The following PCLO variants were observed in gnomAD, a reference collection of about 807,000 sequenced individuals.
The protein encoded by PCLO is piccolo presynaptic cytomatrix protein.
In PCLO, 82 loss-of-function variants were observed where a neutral mutation model predicts 427.5. The observed-to-expected ratio is 0.19, with a 90% CI of 0.16 to 0.23. The LOEUF is 0.23. PCLO is among the 10% of genes least tolerant of loss of function. The probability of loss-of-function intolerance (pLI) is 1.00; values close to 1 mark genes in which losing one functional copy is unlikely to be tolerated. For synonymous variants in PCLO, 2,357 were observed against 2,155.4 expected, an observed-to-expected ratio of 1.09 and a Z score of -2.59; for missense variants, 6,239 against 6,115.9, an observed-to-expected ratio of 1.02 and a Z score of -0.67.
At chr7:83,019,433 GT>G (rs200958272) in intron 3 of PCLO, among the ~76,000 whole-genome samples, 170 of 147,614 alleles carry the variant, frequency 1.2e-3, no homozygotes, top group African/African-American at 2.7e-3. Context: ...CCAATCATAA[GT>G]TTTTTTTTTA....
intron 6 of PCLO, among the ~76,000 whole-genome samples, 180 bp from the exon 7 acceptor site, chr7:82,917,053 A>G (rs1456773043): frequency 2.6e-5 from 4 of 152,178 alleles, no homozygotes; most frequent in Non-Finnish European, 5.9e-5. Context: ...TAACTGAAAA[A>G]TAATTTTTTA....
At chr7:82,967,524 G>A (rs139064631) in intron 3 of PCLO, among the ~76,000 whole-genome samples, 14 of 152,078 alleles carry the variant, frequency 9.2e-5, no homozygotes, top group South Asian at 6.2e-4. Context: ...ATGGTCACCC[G>A]CACTAAATCA....
chr7:82,812,238 GATA>G (rs1334184726), intron 20 of PCLO, among the ~76,000 whole-genome samples: 1 of 151,336 alleles, frequency 6.6e-6, no homozygotes, highest in African/African-American at 2.4e-5. Context: ...TGGCTTTATA[GATA>G]ATAAGATCAA....
At chr7:83,156,433 A>G in intron 1 of PCLO, 41 bp from the exon 2 acceptor site, 1 of 1,225,994 alleles carries the variant, frequency 8.2e-7, no homozygotes. Context: ...AAGTGAAAAT[A>G]ATGGAAATTA....
At chr7:82,812,525 A>C (rs1791594015) in intron 20 of PCLO, among the ~76,000 whole-genome samples, 1 of 151,558 alleles carries the variant, frequency 6.6e-6, no homozygotes, top group South Asian at 2.1e-4. Context: ...TATAGTAAAT[A>C]ATGAAAGAAA....
At chr7:82,793,414 T>A (rs1166617611) in intron 22 of PCLO, among the ~76,000 whole-genome samples, 3 of 152,228 alleles carry the variant, frequency 2.0e-5, no homozygotes, top group Middle Eastern at 6.8e-3. Context: ...CACCCATATG[T>A]TGAGAAAACA....
chr7:83,039,447 G>A (rs1022680358), intron 3 of PCLO, among the ~76,000 whole-genome samples: 1 of 152,022 alleles, frequency 6.6e-6, no homozygotes, highest in Admixed American at 6.6e-5. Context: ...CTGTCCCAGT[G>A]CAATCTGTTG....
chr7:82,784,177 C>T (rs1276258258), intron 22 of PCLO, among the ~76,000 whole-genome samples: 5 of 152,106 alleles, frequency 3.3e-5, no homozygotes, highest in Admixed American at 2.6e-4. Context: ...TTCCTCACCT[C>T]AAAACCCTCC....
At chr7:83,129,330 A>C (rs958263987) in intron 3 of PCLO, among the ~76,000 whole-genome samples, 2 of 152,118 alleles carry the variant, frequency 1.3e-5, no homozygotes, top group Admixed American at 6.6e-5. Context: ...CAAACATCGC[A>C]CAGTTTTTTT....
At chr7:82,796,619 T>G (rs1402420677) in intron 22 of PCLO, among the ~76,000 whole-genome samples, 2 of 151,840 alleles carry the variant, frequency 1.3e-5, no homozygotes, top group Non-Finnish European at 2.9e-5. Context: ...CCAAAGCATA[T>G]AATTTTCCCT....
intron 3 of PCLO, among the ~76,000 whole-genome samples, chr7:83,000,943 C>A (rs902093981): frequency 6.6e-6 from 1 of 151,770 alleles, no homozygotes; most frequent in Non-Finnish European, 1.5e-5. Context: ...TTACCAGTAT[C>A]TAGCATAATG....
intron 6 of PCLO, among the ~76,000 whole-genome samples, chr7:82,930,746 G>A (rs746852404): frequency 1.2e-4 from 19 of 152,028 alleles, no homozygotes; most frequent in Non-Finnish European, 2.6e-4. Flanking sequence ...TAGGTTATGT[G>A]CTCTTTATCT....
intron 3 of PCLO, among the ~76,000 whole-genome samples, chr7:83,069,638 T>C (rs1789755508): frequency 6.6e-6 from 1 of 152,150 alleles, no homozygotes; most frequent in African/African-American, 2.4e-5. Context: ...CAGAGAAAGA[T>C]AATGAATGTA....
intron 6 of PCLO, among the ~76,000 whole-genome samples, chr7:82,947,804 C>A (rs10281601): frequency 2.6e-5 from 4 of 152,174 alleles, no homozygotes; most frequent in East Asian, 1.9e-4. Flanking sequence ...GTAATACAAC[C>A]TTTACAACCC....
chr7:82,964,213 T>C (rs1279601256), intron 4 of PCLO, among the ~76,000 whole-genome samples: 1 of 152,132 alleles, frequency 6.6e-6, no homozygotes, highest in Non-Finnish European at 1.5e-5. Flanking sequence ...TGTGATACCT[T>C]CATTGTGGAG....
intron 3 of PCLO, among the ~76,000 whole-genome samples, chr7:83,107,586 CTT>C (rs1250941881): frequency 2.0e-5 from 3 of 151,608 alleles, no homozygotes; most frequent in South Asian, 2.1e-4. Flanking sequence ...TATTAAAAAA[CTT>C]ATTTCTTGGA....
intron 21 of PCLO, 42 bp downstream of exon 21, chr7:82,805,646 A>T (rs779607381): frequency 8.8e-6 from 14 of 1,593,332 alleles, no homozygotes; most frequent in Non-Finnish European, 1.2e-5. Context: ...CTTACTCATG[A>T]TGCTGAGTAA....
At chr7:82,873,819 G>C (rs1384179201) in intron 10 of PCLO, among the ~76,000 whole-genome samples, 2 of 126,850 alleles carry the variant, frequency 1.6e-5, no homozygotes, top group Admixed American at 8.3e-5. Flanking sequence ...GTTCTAGATT[G>C]GGGGGGTGGT....
At chr7:82,891,932 T>C (rs977843005) in intron 9 of PCLO, among the ~76,000 whole-genome samples, 4 of 152,214 alleles carry the variant, frequency 2.6e-5, no homozygotes, top group Admixed American at 6.6e-5. Flanking sequence ...TACAAACAAA[T>C]GGAAGAACAT....
Sources: allele counts gnomAD v4.1 joint callset (sites outside exome capture counted in the v4.1 genomes callset), GRCh38; gene constraint gnomAD v4.1.1; transcripts MANE v1.5; gene names NCBI Gene and HGNC (gene_info 2026-07-23, HGNC 2026-07-21).